The following ROBO2 variants were observed in gnomAD, a reference collection of about 807,000 sequenced individuals.
ROBO2 encodes the protein roundabout homolog 2.
ROBO2 carries 53 observed loss-of-function variants against 160.8 expected under a neutral mutation model. That is an observed-to-expected ratio of 0.33 (90% CI 0.26 to 0.41). ROBO2 has a LOEUF of 0.41. Ranked by LOEUF, ROBO2 falls within the 10% of genes least tolerant of loss-of-function variation. The pLI, the probability that ROBO2 is intolerant of heterozygous loss-of-function variation, is 1.00. For synonymous variants in ROBO2, 664 were observed against 611.7 expected (o/e 1.09, Z -1.26); for missense variants, 1,577 against 1,722.4 (o/e 0.92, Z 1.49).
intron 20 of ROBO2, among the ~76,000 whole-genome samples, chr3:77,606,733 A>C (rs2094533047): frequency 6.6e-6 from 1 of 152,196 alleles, no homozygotes; most frequent in South Asian, 2.1e-4. Flanking sequence ...GCTTCTAGTG[A>C]TATTATAATA....
chr3:76,562,534 GC>G (rs1233386548), intron 2 of ROBO2, among the ~76,000 whole-genome samples: 4 of 151,726 alleles, frequency 2.6e-5, no homozygotes, highest in Non-Finnish European at 5.9e-5. Context: ...TTCGGTCAGA[GC>G]CCTTCTTCGT....
chr3:76,083,558 T>C (rs932626821), intron 2 of ROBO2, among the ~76,000 whole-genome samples: 14 of 152,128 alleles, frequency 9.2e-5, no homozygotes, highest in African/African-American at 3.1e-4. Context: ...TAAATTTAAG[T>C]GTAGAAACTT....
At chr3:77,574,665 G>T in exon 14 of ROBO2, 1 of 1,613,248 alleles carries the variant, frequency 6.2e-7, no homozygotes, top group Non-Finnish European at 8.5e-7. Flanking sequence ...ATTAAAGTAC[G>T]GCCATATTTT....
At chr3:77,074,721 G>A (rs2067772500) in intron 1 of ROBO2, among the ~76,000 whole-genome samples, 1 of 150,442 alleles carries the variant, frequency 6.6e-6, no homozygotes. Context: ...GAAATATTCA[G>A]TATAAATGAA....
intron 2 of ROBO2, among the ~76,000 whole-genome samples, chr3:77,305,373 G>A (rs910409813): frequency 1.3e-5 from 2 of 152,148 alleles, no homozygotes; most frequent in African/African-American, 4.8e-5. Flanking sequence ...TTTTCTGAGG[G>A]TGAGACTGTA....
chr3:77,405,334 A>G (rs1027739668), intron 2 of ROBO2, among the ~76,000 whole-genome samples: 7 of 152,174 alleles, frequency 4.6e-5, no homozygotes, highest in Non-Finnish European at 8.8e-5. Context: ...AAAATAAAAT[A>G]GTATTTTAGA....
chr3:77,282,360 G>C (rs1445917022), intron 2 of ROBO2, among the ~76,000 whole-genome samples: 1 of 152,016 alleles, frequency 6.6e-6, no homozygotes, highest in Non-Finnish European at 1.5e-5. Context: ...TAATTAGGCT[G>C]TTGTATGGTA....
chr3:76,149,831 AC>A (rs1350339830), intron 2 of ROBO2, among the ~76,000 whole-genome samples: 1 of 145,582 alleles, frequency 6.9e-6, no homozygotes, highest in East Asian at 2.1e-4. Flanking sequence ...TCTGTCTAAA[AC>A]ACACATCTGT....
At chr3:76,309,061 A>G (rs923940678) in intron 2 of ROBO2, among the ~76,000 whole-genome samples, 7 of 151,578 alleles carry the variant, frequency 4.6e-5, no homozygotes, top group African/African-American at 1.7e-4. Context: ...TTTTTTTTTT[A>G]ATTGCTAATC....
At chr3:76,544,452 A>G (rs913226267) in intron 2 of ROBO2, among the ~76,000 whole-genome samples, 1 of 152,050 alleles carries the variant, frequency 6.6e-6, no homozygotes, top group African/African-American at 2.4e-5. Flanking sequence ...AGTATTATCT[A>G]AGTTTAATGT....
chr3:76,058,588 A>AAT (rs2067940370), intron 2 of ROBO2, among the ~76,000 whole-genome samples: 1 of 47,786 alleles, frequency 2.1e-5, no homozygotes. Flanking sequence ...AACAGCAGAA[A>AAT]CTTTTTTTTT....
At chr3:75,927,980 T>C (rs1208735750) in intron 1 of ROBO2, among the ~76,000 whole-genome samples, 143 of 644 alleles carry the variant, frequency 0.22, 8 homozygotes, top group Non-Finnish European at 0.48. Context: ...TTCTCTCTTT[T>C]TTTTTTTTTT....
At chr3:76,534,656 T>A (rs940906585) in intron 2 of ROBO2, among the ~76,000 whole-genome samples, 1 of 152,178 alleles carries the variant, frequency 6.6e-6, no homozygotes, top group Admixed American at 6.5e-5. Flanking sequence ...GATGCTGGTC[T>A]GCTTGCCAAA....
intron 2 of ROBO2, among the ~76,000 whole-genome samples, chr3:76,863,195 A>G (rs974539783): frequency 2.6e-5 from 4 of 152,050 alleles, no homozygotes; most frequent in Admixed American, 6.6e-5. Flanking sequence ...AATTTCTGGA[A>G]GTTGTTCATT....
intron 2 of ROBO2, among the ~76,000 whole-genome samples, chr3:77,234,319 TC>T (rs918954733): frequency 2.0e-5 from 3 of 152,292 alleles, no homozygotes; most frequent in African/African-American, 7.2e-5. Flanking sequence ...AGGGTTGTTT[TC>T]CCTGTTAAAA....
At chr3:76,305,257 T>A (rs995464380) in intron 2 of ROBO2, among the ~76,000 whole-genome samples, 3 of 151,456 alleles carry the variant, frequency 2.0e-5, no homozygotes, top group Non-Finnish European at 4.4e-5. Flanking sequence ...CAGGTGCAGT[T>A]GTGAGTTCCT....
At chr3:76,009,940 T>A (rs2066145409) in intron 2 of ROBO2, among the ~76,000 whole-genome samples, 1 of 151,592 alleles carries the variant, frequency 6.6e-6, no homozygotes, top group Non-Finnish European at 1.5e-5. Flanking sequence ...GCTTTTGCTA[T>A]TTTTTTTTCT....
At chr3:77,590,847 T>A (rs2094163584) in intron 17 of ROBO2, among the ~76,000 whole-genome samples, 1 of 152,134 alleles carries the variant, frequency 6.6e-6, no homozygotes, top group Non-Finnish European at 1.5e-5. Context: ...TGAAAATATA[T>A]GTTGATCATT....
At chr3:77,087,829 T>TAC (rs561626412) in intron 1 of ROBO2, among the ~76,000 whole-genome samples, 6 of 152,084 alleles carry the variant, frequency 3.9e-5, no homozygotes, top group African/African-American at 1.4e-4. Context: ...TGTATATATA[T>TAC]ACACACACAC....
Sources: gnomAD v4.1 joint callset for allele counts (sites outside exome capture counted in the v4.1 genomes callset) on GRCh38, gnomAD v4.1.1 for gene constraint, MANE v1.5 for transcripts, NCBI Gene and HGNC (gene_info 2026-07-23, HGNC 2026-07-21) for gene names.